HOXD9: variants seen among roughly 807,000 people sequenced by gnomAD.
The protein encoded by HOXD9 is homeobox protein Hox-D9.
In HOXD9, 21 loss-of-function variants were observed where a neutral mutation model predicts 24.6. The observed-to-expected ratio is 0.85, with a 90% confidence interval of 0.61 to 1.23. HOXD9 has a LOEUF of 1.23. Among genes scored for constraint, HOXD9 ranks in the 50% most tolerant of loss-of-function variants. HOXD9 has a pLI of 0.00. For synonymous variants in HOXD9, 240 were observed against 226.4 expected, an observed-to-expected ratio of 1.06 and a Z score of -0.54; for missense variants, 503 against 503.6, an observed-to-expected ratio of 1.00 and a Z score of 0.01.
chr2:176,122,910 C>G lies in HOXD9; in HGVS notation c.142C>G (p.Arg48Gly), dbSNP rs1368785277. 5.0e-6 allele frequency: 8 copies of G among 1,588,112 alleles called. No homozygotes were observed. In the African/African-American group the frequency reaches 5.5e-5, roughly 11 times the overall value. Residue 48 changes from arginine (R) to glycine (G), a missense_variant, in exon 1 of 2, where the codon CGG becomes GGG. By Grantham distance (125) the Arg-to-Gly change is moderately radical. Transcript: ENST00000249499. ...FGPPGPGAQGRPAGVADGPAA... is the reference protein window; with the variant it reads ...FGPPGPGAQGGPAGVADGPAA... Reference sequence around the variant, plus strand: ...GCCGCCGGGGCCAGGCGCGCAGGGCCGGCCTGCAGGTGTGGCTGATGGCCC... The same window carrying G: ...GCCGCCGGGGCCAGGCGCGCAGGGCGGGCCTGCAGGTGTGGCTGATGGCCC...
rs2105398984 is a variant in HOXD9, at chr2:176,123,567, C to CAGT, written c.801_802insTAG (p.Gln267_Gln268insTer). 1 of 1,492,354 alleles carries CAGT rather than the reference C, an allele frequency of 6.7e-7. No individual in the cohort carries two copies. Among genetic ancestry groups the CAGT allele is most frequent in the South Asian group, 1.4e-5 (1 of 71,994 alleles). 92.4% of individuals were successfully genotyped at this position (1,492,354 alleles called of 1,614,324 possible). On this transcript the variant is annotated stop_gained and inframe_insertion, in exon 1 of 2. Coordinates refer to ENST00000249499, the MANE Select transcript of HOXD9 (RefSeq NM_014213.4). LOFTEE classifies it high-confidence loss of function. The surrounding 1 kb of genome is among the most constrained non-coding windows in gnomAD (Gnocchi z 4.2). ...GGAGAAGCAGCATTCGCAGCCGCAG[C>CAGT]AGCAGCAACTTGACCCAAGTAAGTG...
rs756392754 is a variant in HOXD9, at chr2:176,123,006, T to C, written c.238T>C (p.Ser80Pro). The change falls in exon 1 of 2, where the codon TCC (serine) becomes CCC (proline). Residue 80 changes from serine to proline, a missense_variant. Ser to Pro is a moderately conservative substitution (Grantham distance 74). Coordinates refer to ENST00000249499, the MANE Select transcript of HOXD9 (RefSeq NM_014213.4). This position sits in a 1 kb window ranked among gnomAD's most constrained non-coding sequence, Gnocchi z 4.2. ...PRSAVFSASW[S>P]AVPSQPPAAA... ...ATCGGCCGTGTTCTCTGCCTCGTGG[T>C]CCGCGGTGCCCTCCCAGCCCCCGGC... 305 of 1,593,098 alleles carry C rather than the reference T, an allele frequency of 1.9e-4. 3 individuals are homozygous for C. In the East Asian group the frequency reaches 7.1e-3, roughly 37 times the overall value.
At position 176,123,886 on chromosome 2, in the gene HOXD9, CCTCCCCTCCTCTCCTCTCTCCCCGT is replaced by C. The variant is rs1311637617; in HGVS notation, c.818-43_818-19del. On this transcript the variant is annotated intron_variant, in intron 1 of 1. Transcript: ENST00000249499. The surrounding 1 kb of genome is among the most constrained non-coding windows in gnomAD (Gnocchi z 4.2). ...TTCCCCACCCTGTGGTCTCTCCCTG[CCTCCCCTCCTCTCCTCTCTCCCCGT>C]CTCCAAACCTCCCTCTTTGTAGACA... 2 of 1,498,266 alleles carry C rather than the reference CCTCCCCTCCTCTCCTCTCTCCCCGT, an allele frequency of 1.3e-6. No homozygotes were observed. The highest frequency in any genetic ancestry group is 1.8e-6 in the Non-Finnish European group (2 of 1,087,896). 92.8% of individuals were successfully genotyped at this position (1,498,266 alleles called of 1,614,324 possible). A position where few individuals can be genotyped will look rare whatever the true frequency, so the allele number is the denominator to read the frequency against.
At position 176,124,307 on chromosome 2, in the gene HOXD9, CTT is replaced by C; in HGVS notation, c.*136_*137del. ...TGGACTTCTTCTTCTTTTTTTTTTT[CTT>C]TTTAGATAGAAGTGACTGTGTGGTT... On this transcript the variant is annotated 3_prime_UTR_variant, in exon 2 of 2. Transcript: ENST00000249499. The C allele has an allele frequency of 8.0e-7, 1 of 1,245,436 alleles. No homozygotes were observed. Among genetic ancestry groups the C allele is most frequent in the Non-Finnish European group, 1.1e-6 (1 of 931,780 alleles). 77.1% of individuals were successfully genotyped at this position (1,245,436 alleles called of 1,614,324 possible). A position where few individuals can be genotyped will look rare whatever the true frequency, so the allele number is the denominator to read the frequency against.
rs1689916306 is a variant in HOXD9, at chr2:176,123,385, A to G, written c.617A>G (p.Glu206Gly). 2 of 1,553,048 alleles carry G rather than the reference A, an allele frequency of 1.3e-6. No homozygotes were observed. Among genetic ancestry groups the G allele is most frequent in the Non-Finnish European group, 8.7e-7 (1 of 1,148,638 alleles). The change falls in exon 1 of 2, where the codon GAG becomes GGG. Residue 206 changes from glutamate (E) to glycine (G), a missense_variant. Transcript: ENST00000249499. The surrounding 1 kb of genome is among the most constrained non-coding windows in gnomAD (Gnocchi z 4.2). The stretch of plus-strand genomic sequence containing the variant: ...GAGTCCCAGGGGAGCAGCGGCCCCG[A>G]GTTCTCGTGCAACTCGTTCCTGCAG... ...ARESQGSSGP[E>G]FSCNSFLQEK... is the part of the protein sequence containing the mutation.
Position 176,124,366 on chromosome 2 carries a change from T to A in HOXD9, c.*191T>A. 1 of 802,096 alleles carries A rather than the reference T, an allele frequency of 1.2e-6. No homozygotes were observed. The highest frequency in any genetic ancestry group is 1.8e-6 in the Non-Finnish European group (1 of 565,890). The allele number at this position is 802,096 out of a possible 1,614,324, so 49.7% of individuals were successfully genotyped here. ...TGAGGTATTTGGGGGACTCTGTATTTGCTCGTTTACGTGTTGGAAAAACCA... is the reference window on the plus strand; with the variant it reads ...TGAGGTATTTGGGGGACTCTGTATTAGCTCGTTTACGTGTTGGAAAAACCA... On this transcript the variant is annotated 3_prime_UTR_variant, in exon 2 of 2. Transcript: ENST00000249499.
Position 176,124,036 on chromosome 2 carries a change from A to G in HOXD9, c.920A>G (p.Asn307Ser), listed in dbSNP as rs1689928909. The change falls in exon 2 of 2, where the codon AAC (asparagine) becomes AGC (serine). Residue 307 changes from asparagine to serine, a missense_variant. Physicochemically the swap from Asn to Ser is conservative, Grantham distance 46. Transcript: ENST00000249499. ...GAGCTGGAGAAAGAATTCCTCTTCA[A>G]CATGTACCTCACCCGGGACCGGCGC... ...TLELEKEFLF[N>S]MYLTRDRRYE... 9.9e-6 allele frequency: 16 copies of G among 1,614,158 alleles called. No homozygotes were observed. In the East Asian group the frequency reaches 1.8e-4, roughly 18 times the overall value.
Position 176,124,289 on chromosome 2 carries a change from C to A in HOXD9, c.*114C>A. 5 of 1,316,052 alleles carry A rather than the reference C, an allele frequency of 3.8e-6. No individual in the cohort carries two copies. Among genetic ancestry groups the A allele is most frequent in the South Asian group, 1.7e-5 (1 of 57,964 alleles). 81.5% of individuals were successfully genotyped at this position (1,316,052 alleles called of 1,614,324 possible). On this transcript the variant is annotated 3_prime_UTR_variant, in exon 2 of 2. Coordinates refer to ENST00000249499, the MANE Select transcript of HOXD9 (RefSeq NM_014213.4). ...AGAAACTCTCCAGCGACTTGGACTT[C>A]TTCTTCTTTTTTTTTTTCTTTTTAG...
In HOXD9 at chr2:176,124,164, A is replaced by G. The variant is rs1689931418; in HGVS notation, c.1048A>G (p.Lys350Glu). 2 of 1,608,732 alleles carry G rather than the reference A, an allele frequency of 1.2e-6. No individual in the cohort carries two copies. Among genetic ancestry groups the G allele is most frequent in the South Asian group, 2.2e-5 (2 of 90,876 alleles). ...MKKMSKEKCP[K>E]GD Reference sequence around the variant, plus strand: ...AAAGATGAGCAAGGAGAAATGCCCCAAAGGAGACTGACCCGGCGCGGTGCT... The same window carrying G: ...AAAGATGAGCAAGGAGAAATGCCCCGAAGGAGACTGACCCGGCGCGGTGCT... Residue 350 changes from lysine to glutamate, a missense_variant, in exon 2 of 2, where the codon AAA becomes GAA. Transcript: ENST00000249499.
chr2:176,123,021 C>G lies in HOXD9; in HGVS notation c.253C>G (p.Gln85Glu), dbSNP rs113296661. ...FSASWSAVPS[Q>E]PPAAAAMSGL... ...TGCCTCGTGGTCCGCGGTGCCCTCC[C>G]AGCCCCCGGCAGCGGCGGCGATGAG... is the stretch of plus-strand genomic sequence containing the variant. Residue 85 changes from glutamine (Q) to glutamate (E), a missense_variant, in exon 1 of 2, where the codon CAG becomes GAG. Coordinates refer to ENST00000249499, the MANE Select transcript of HOXD9 (RefSeq NM_014213.4). This position sits in a 1 kb window ranked among gnomAD's most constrained non-coding sequence, Gnocchi z 4.2. 1 of 1,589,042 alleles carries G rather than the reference C, an allele frequency of 6.3e-7. No homozygotes were observed. Among genetic ancestry groups the G allele is most frequent in the Non-Finnish European group, 8.5e-7 (1 of 1,170,378 alleles).
chr2:176,123,044 G>T lies in HOXD9; in HGVS notation c.276G>T (p.Met92Ile). ...VPSQPPAAAA[M>I]SGLYHPYVPP... ...CCCAGCCCCCGGCAGCGGCGGCGATGAGCGGCCTCTACCACCCGTACGTTC... is the reference window on the plus strand; with the variant it reads ...CCCAGCCCCCGGCAGCGGCGGCGATTAGCGGCCTCTACCACCCGTACGTTC... Residue 92 changes from methionine to isoleucine, a missense_variant, in exon 1 of 2, where the codon ATG (methionine) becomes ATT (isoleucine). Coordinates refer to ENST00000249499, the MANE Select transcript of HOXD9 (RefSeq NM_014213.4). This position sits in a 1 kb window ranked among gnomAD's most constrained non-coding sequence, Gnocchi z 4.2. 1 of 1,584,434 alleles carries T rather than the reference G, an allele frequency of 6.3e-7. No homozygotes were observed. The highest frequency in any genetic ancestry group is 8.6e-7 in the Non-Finnish European group (1 of 1,168,524).
rs759915355 is a variant in HOXD9, at chr2:176,122,938, C to T, written c.170C>T (p.Ala57Val). The change falls in exon 1 of 2, where the codon GCC becomes GTC. Residue 57 changes from alanine to valine, a missense_variant. By Grantham distance (64) the Ala-to-Val change is moderately conservative. Transcript: ENST00000249499. ...CCTGCAGGTGTGGCTGATGGCCCGGCCGCCACCGCCGCCGAGTTCGCCTCG... is the reference window on the plus strand; with the variant it reads ...CCTGCAGGTGTGGCTGATGGCCCGGTCGCCACCGCCGCCGAGTTCGCCTCG... ...GRPAGVADGPAATAAEFASCS... is the reference protein window; with the variant it reads ...GRPAGVADGPVATAAEFASCS... The T allele has an allele frequency of 2.2e-5, 35 of 1,578,878 alleles. No individual in the cohort carries two copies. The highest frequency in any genetic ancestry group is 3.0e-5 in the Non-Finnish European group (35 of 1,165,260).
chr2:176,123,563 G>GCAA lies in HOXD9; in HGVS notation c.797_798insACA (p.Gln269dup), dbSNP rs2105398977. Reference sequence around the variant, plus strand: ...AGGAGGAGAAGCAGCATTCGCAGCCGCAGCAGCAGCAACTTGACCCAAGTA... The same window carrying GCAA: ...AGGAGGAGAAGCAGCATTCGCAGCCGCAACAGCAGCAGCAACTTGACCCAAGTA... On this transcript the variant is annotated inframe_insertion, in exon 1 of 2. Transcript: ENST00000249499. The surrounding 1 kb of genome is among the most constrained non-coding windows in gnomAD (Gnocchi z 4.2). The GCAA allele has an allele frequency of 7.1e-7, 1 of 1,403,610 alleles. No homozygotes were observed. Among genetic ancestry groups the GCAA allele is most frequent in the South Asian group, 1.5e-5 (1 of 67,668 alleles). The allele number at this position is 1,403,610 out of a possible 1,614,324, so 86.9% of individuals were successfully genotyped here. A position where few individuals can be genotyped will look rare whatever the true frequency, so the allele number is the denominator to read the frequency against.
Position 176,123,919 on chromosome 2 carries a change from C to T in HOXD9, c.818-15C>T. On this transcript the variant is annotated splice_polypyrimidine_tract_variant and intron_variant, in intron 1 of 1. Coordinates refer to ENST00000249499, the MANE Select transcript of HOXD9 (RefSeq NM_014213.4). This position sits in a 1 kb window ranked among gnomAD's most constrained non-coding sequence, Gnocchi z 4.2. ...CCTCTCCTCTCTCCCCGTCTCCAAA[C>T]CTCCCTCTTTGTAGACAACCCCGCC... 1 of 1,602,928 alleles carries T rather than the reference C, an allele frequency of 6.2e-7. No homozygotes were observed. The highest frequency in any genetic ancestry group is 8.5e-7 in the Non-Finnish European group (1 of 1,171,108).
At position 176,122,825 on chromosome 2, in the gene HOXD9, C is replaced by T. The variant is rs1689897921; in HGVS notation, c.57C>T (p.Asn19=). 4 of 1,560,162 alleles carry T rather than the reference C, an allele frequency of 2.6e-6. No homozygotes were observed. The highest frequency in any genetic ancestry group is 1.4e-5 in the African/African-American group (1 of 69,986). Residue 19 remains asparagine (N), a synonymous_variant, in exon 1 of 2, where the codon AAC becomes AAT. Transcript: ENST00000249499. The part of the protein sequence containing the change: ...LKMSSSGTLS[N]YYVDSLIGHE... ...TGTCTTCCAGTGGCACCCTCAGCAA[C>T]TACTACGTGGACTCGCTTATAGGCC... is the stretch of plus-strand genomic sequence containing the variant.
rs531538025 is a variant in HOXD9 at position 176,123,830 on chromosome 2, A to G, written c.818-104A>G. On this transcript the variant is annotated intron_variant, in intron 1 of 1. Coordinates refer to ENST00000249499, the MANE Select transcript of HOXD9 (RefSeq NM_014213.4). This position sits in a 1 kb window ranked among gnomAD's most constrained non-coding sequence, Gnocchi z 4.2. ...TCCCCACAAGTTGTGAAAAGCGACC[A>G]TCCTTGGTGAAATTAATTTAACGAC... 2.1e-5 allele frequency: 24 copies of G among 1,121,328 alleles called. 1 individual carries two copies. In the Admixed American group the frequency reaches 3.0e-4, roughly 14 times the overall value. 69.5% of individuals were successfully genotyped at this position (1,121,328 alleles called of 1,614,324 possible).
In HOXD9 at chr2:176,123,598, G is replaced by T. The variant is rs1689921756; in HGVS notation, c.817+13G>T. 2.7e-6 allele frequency: 4 copies of T among 1,484,306 alleles called. No homozygotes were observed. The highest frequency in any genetic ancestry group is 1.8e-6 in the Non-Finnish European group (2 of 1,116,478). The allele number at this position is 1,484,306 out of a possible 1,614,324, so 91.9% of individuals were successfully genotyped here. ...CAACTTGACCCAAGTAAGTGCAAAAGAAATTGCCCCCTGATTTATTGCTGA... is the reference window on the plus strand; with the variant it reads ...CAACTTGACCCAAGTAAGTGCAAAATAAATTGCCCCCTGATTTATTGCTGA... On this transcript the variant is annotated intron_variant, in intron 1 of 1. Transcript: ENST00000249499. This position sits in a 1 kb window ranked among gnomAD's most constrained non-coding sequence, Gnocchi z 4.2.
chr2:176,123,117 C>G lies in HOXD9; in HGVS notation c.349C>G (p.Arg117Gly). 1 of 1,502,384 alleles carries G rather than the reference C, an allele frequency of 6.7e-7. No individual in the cohort carries two copies. The highest frequency in any genetic ancestry group is 8.8e-7 in the Non-Finnish European group (1 of 1,130,004). 93.1% of individuals were successfully genotyped at this position (1,502,384 alleles called of 1,614,324 possible). A position where few individuals can be genotyped will look rare whatever the true frequency, so the allele number is the denominator to read the frequency against. ...TGCCTCCGAGCCCGGCCGCTACGTG[C>G]GCTCCTGGATGGAGCCGCTGCCCGG... is the stretch of plus-strand genomic sequence containing the variant. ...ASASEPGRYV[R>G]SWMEPLPGFP... The change falls in exon 1 of 2, where the codon CGC (arginine) becomes GGC (glycine). Residue 117 changes from arginine (R) to glycine (G), a missense_variant. Coordinates refer to ENST00000249499, the MANE Select transcript of HOXD9 (RefSeq NM_014213.4). The surrounding 1 kb of genome is among the most constrained non-coding windows in gnomAD (Gnocchi z 4.2).
chr2:176,124,135 T>C lies in HOXD9; in HGVS notation c.1019T>C (p.Met340Thr), dbSNP rs764121479. 5 of 1,613,310 alleles carry C rather than the reference T, an allele frequency of 3.1e-6. No individual in the cohort carries two copies. Among genetic ancestry groups the C allele is most frequent in the Non-Finnish European group, 4.2e-6 (5 of 1,179,446 alleles). ...KIWFQNRRMK[M>T]KKMSKEKCPK... Reference sequence around the variant, plus strand: ...TGGTTTCAGAACCGTAGGATGAAAATGAAAAAGATGAGCAAGGAGAAATGC... The same window carrying C: ...TGGTTTCAGAACCGTAGGATGAAAACGAAAAAGATGAGCAAGGAGAAATGC... The change falls in exon 2 of 2, where the codon ATG (methionine) becomes ACG (threonine). Residue 340 changes from methionine to threonine, a missense_variant. Transcript: ENST00000249499.
Sources: gnomAD v4.1 joint callset for allele counts on GRCh38, gnomAD v4.1.1 for gene constraint, Gnocchi (gnomAD v3.1) non-coding constraint, MANE v1.5 for transcripts, NCBI Gene and HGNC (gene_info 2026-07-23, HGNC 2026-07-21) for gene names.